The following ZRANB3 variants were observed in gnomAD, a reference collection of about 807,000 sequenced individuals.
The protein encoded by ZRANB3 is DNA annealing helicase and endonuclease ZRANB3.
ZRANB3 carries 125 observed loss-of-function variants against 133.8 expected under a neutral mutation model. The observed-to-expected ratio is 0.93, with a 90% CI of 0.81 to 1.08. ZRANB3 has a LOEUF of 1.08. Among genes scored for constraint, ZRANB3 ranks in the 50% least tolerant of loss-of-function variants. The probability of loss-of-function intolerance (pLI) is 0.00; values close to 1 mark genes in which losing one functional copy is unlikely to be tolerated. For missense variants in ZRANB3, 1,229 were observed against 1,275.5 expected (o/e 0.96, Z 0.56); for synonymous variants, 387 against 432.7 (o/e 0.89, Z 1.31).
chr2:135,356,005 C>A (rs1431090702), intron 3 of ZRANB3, among the ~76,000 whole-genome samples: 1 of 152,092 alleles, frequency 6.6e-6, no homozygotes, highest in Admixed American at 6.6e-5. Context: ...ATACATTTTG[C>A]ACTTCATGTA....
rs182362244 is a variant in ZRANB3 at position 135,245,664 on chromosome 2, C to T, written c.1540-14737G>A. On this transcript the variant is annotated intron_variant, in intron 12 of 20. Coordinates refer to ENST00000264159, the MANE Select transcript of ZRANB3 (RefSeq NM_032143.4). Reference sequence around the variant, plus strand: ...GACAGGGGCTGGGTGCTGTGGCTCACGCCTGTAATCCCAGCACTTCGGGAG... The same window carrying T: ...GACAGGGGCTGGGTGCTGTGGCTCATGCCTGTAATCCCAGCACTTCGGGAG... 2.3e-4 allele frequency among the ~76,000 whole-genome samples: 35 copies of T among 151,554 alleles called. No individual in the cohort carries two copies. In the East Asian group the frequency reaches 6.6e-3, roughly 29 times the overall value.
chr2:135,495,344 A>G (rs1438927609), intron 2 of ZRANB3, among the ~76,000 whole-genome samples: 1 of 152,240 alleles, frequency 6.6e-6, no homozygotes, highest in East Asian at 1.9e-4. Flanking sequence ...ACTATATTAT[A>G]GTATTGCATA....
At chr2:135,285,400 A>G (rs564394662) in intron 8 of ZRANB3, among the ~76,000 whole-genome samples, 24 of 152,356 alleles carry the variant, frequency 1.6e-4, no homozygotes, top group African/African-American at 4.3e-4. Context: ...AGTGTCCCCA[A>G]TTCAGAGCCA....
chr2:135,418,379 T>C (rs1194960507), intron 2 of ZRANB3, among the ~76,000 whole-genome samples: 1 of 152,344 alleles, frequency 6.6e-6, no homozygotes, highest in East Asian at 1.9e-4. Flanking sequence ...TATTGTTTTG[T>C]AGTTTTTATT....
rs562694595 is a variant in ZRANB3 at position 135,307,370 on chromosome 2, T to A, written c.966+6119A>T. Among the ~76,000 whole-genome samples the A allele has an allele frequency of 1.7e-4, 26 of 152,354 alleles. No individual in the cohort carries two copies. The East Asian group carries it at 3.9e-3, about 23-fold the overall frequency. ...TGTAAGCCACCACACCCGGCCAGAT[T>A]TTTTATGATTACATTTTATTTCCAC... is the stretch of plus-strand genomic sequence containing the variant. On this transcript the variant is annotated intron_variant, in intron 8 of 20. Transcript: ENST00000264159.
At position 135,312,617 on chromosome 2, in the gene ZRANB3, C is replaced by T. The variant is rs1683050892; in HGVS notation, c.966+872G>A. ...GACAAACAGAATGTGAGCAAAATTA[C>T]CTCTGTAGGGTACTGAACATGGAAT... On this transcript the variant is annotated intron_variant, in intron 8 of 20. Coordinates refer to ENST00000264159, the MANE Select transcript of ZRANB3 (RefSeq NM_032143.4). Among the ~76,000 whole-genome samples the T allele has an allele frequency of 2.0e-5, 3 of 151,976 alleles. No individual in the cohort carries two copies. The South Asian group carries it at 6.2e-4, about 32-fold the overall frequency.
At chr2:135,239,519 C>A (rs1287001965) in intron 12 of ZRANB3, among the ~76,000 whole-genome samples, 1 of 152,090 alleles carries the variant, frequency 6.6e-6, no homozygotes, top group Non-Finnish European at 1.5e-5. Context: ...CTCTCCCCTG[C>A]TCCACTACTC....
At chr2:135,482,785 C>T (rs140931540) in intron 2 of ZRANB3, among the ~76,000 whole-genome samples, 5 of 152,154 alleles carry the variant, frequency 3.3e-5, no homozygotes, top group East Asian at 1.9e-4. Flanking sequence ...TTTTGAAATA[C>T]GTTCCATCAG....
At chr2:135,430,169 C>T (rs1196803191) in intron 2 of ZRANB3, among the ~76,000 whole-genome samples, 2 of 151,478 alleles carry the variant, frequency 1.3e-5, no homozygotes, top group African/African-American at 4.9e-5. Context: ...GAGCAAGACT[C>T]TGTCTCAAAA....
Position 135,199,788 on chromosome 2 carries a change from C to T in ZRANB3, c.*554G>A, listed in dbSNP as rs1165537553. On this transcript the variant is annotated 3_prime_UTR_variant, in exon 21 of 21. Coordinates refer to ENST00000264159, the MANE Select transcript of ZRANB3 (RefSeq NM_032143.4). Reference sequence around the variant, plus strand: ...GGATATTTTTGATAAAGATGACTAGCTAAGAAATAAAGCAAGAAAAGCAAC... The same window carrying T: ...GGATATTTTTGATAAAGATGACTAGTTAAGAAATAAAGCAAGAAAAGCAAC... The T allele has an allele frequency of 1.3e-5, 2 of 152,930 alleles. No individual in the cohort carries two copies. The highest frequency in any genetic ancestry group is 2.9e-5 in the Non-Finnish European group (2 of 68,668). 9.5% of individuals were successfully genotyped at this position (152,930 alleles called of 1,614,324 possible). A position where few individuals can be genotyped will look rare whatever the true frequency, so the allele number is the denominator to read the frequency against.
chr2:135,218,212 G>A (rs951648340), intron 16 of ZRANB3, among the ~76,000 whole-genome samples: 1 of 152,106 alleles, frequency 6.6e-6, no homozygotes, highest in African/African-American at 2.4e-5. Flanking sequence ...TATGCTCATT[G>A]AGACCAAAAA....
At chr2:135,409,057 A>C (rs1039533510) in intron 2 of ZRANB3, among the ~76,000 whole-genome samples, 1 of 152,182 alleles carries the variant, frequency 6.6e-6, no homozygotes, top group Non-Finnish European at 1.5e-5. Flanking sequence ...CAGGCAGTAC[A>C]ATAAGTATGT....
intron 17 of ZRANB3, among the ~76,000 whole-genome samples, chr2:135,211,301 G>A (rs1413877787): frequency 1.3e-5 from 2 of 152,122 alleles, no homozygotes; most frequent in Non-Finnish European, 2.9e-5. Flanking sequence ...GGCACTTTGA[G>A]AGGCCAAGGC....
chr2:135,380,761 A>T (rs2104911337), intron 3 of ZRANB3, among the ~76,000 whole-genome samples: 1 of 152,348 alleles, frequency 6.6e-6, no homozygotes, highest in Admixed American at 6.5e-5. Context: ...GAACCAGAGA[A>T]GCAAGAGCAA....
At chr2:135,245,195 G>A (rs1695737365) in intron 12 of ZRANB3, among the ~76,000 whole-genome samples, 1 of 152,146 alleles carries the variant, frequency 6.6e-6, no homozygotes, top group Non-Finnish European at 1.5e-5. Context: ...CTGGCCATAG[G>A]GCTGCCATAA....
At chr2:135,245,700 G>T (rs1695758164) in intron 12 of ZRANB3, among the ~76,000 whole-genome samples, 1 of 151,378 alleles carries the variant, frequency 6.6e-6, no homozygotes, top group Non-Finnish European at 1.5e-5. Context: ...GCTGAGGCAG[G>T]CAGATCACCT....
chr2:135,383,922 C>A (rs2104916302), intron 3 of ZRANB3, among the ~76,000 whole-genome samples: 1 of 152,156 alleles, frequency 6.6e-6, no homozygotes, highest in Non-Finnish European at 1.5e-5. Context: ...CCTGACAACA[C>A]AATTAAAAGA....
At chr2:135,392,444 T>C (rs1376909879) in intron 2 of ZRANB3, among the ~76,000 whole-genome samples, 1 of 152,040 alleles carries the variant, frequency 6.6e-6, no homozygotes, top group Non-Finnish European at 1.5e-5. Context: ...TAAGATTTAT[T>C]TCTATATATA....
intron 3 of ZRANB3, among the ~76,000 whole-genome samples, chr2:135,374,860 C>T (rs1686349367): frequency 6.6e-6 from 1 of 151,874 alleles, no homozygotes; most frequent in Non-Finnish European, 1.5e-5. Flanking sequence ...TAAAACTCAA[C>T]AACAAAAAAA....
Sources: allele counts gnomAD v4.1 joint callset (sites outside exome capture counted in the v4.1 genomes callset), GRCh38; gene constraint gnomAD v4.1.1; transcripts MANE v1.5; gene names NCBI Gene and HGNC (gene_info 2026-07-23, HGNC 2026-07-21).